Variants in TAFA2 observed in about 807,000 individuals in gnomAD.
TAFA2 encodes TAFA chemokine like family member 2, also known as chemokine-like protein TAFA-2.
TAFA2 carries 7 observed loss-of-function variants against 18.8 expected under a neutral mutation model. The observed-to-expected ratio is 0.37, with a 90% CI of 0.21 to 0.70. The LOEUF (loss-of-function observed/expected upper bound fraction) is 0.70, where lower values mean the gene tolerates loss of function less well. TAFA2 is among the 30% of genes least tolerant of loss of function. TAFA2 has a pLI of 0.53. For synonymous variants in TAFA2, 60 were observed against 54.2 expected, an observed-to-expected ratio of 1.11 and a Z score of -0.47; for missense variants, 122 against 158.1, an observed-to-expected ratio of 0.77 and a Z score of 1.23.
chr12:62,208,228 C>G (rs1324250353), intron 1 of TAFA2, among the ~76,000 whole-genome samples: 1 of 151,726 alleles, frequency 6.6e-6, no homozygotes, highest in Non-Finnish European at 1.5e-5. Context: ...GAAAGGTCAT[C>G]AAATAGTCAA....
intron 1 of TAFA2, among the ~76,000 whole-genome samples, chr12:61,941,596 G>C (rs1181235399): frequency 6.6e-6 from 1 of 152,188 alleles, no homozygotes; most frequent in Non-Finnish European, 1.5e-5. Flanking sequence ...GTGGGTGCGT[G>C]CACCGTGCGT....
intron 1 of TAFA2, among the ~76,000 whole-genome samples, chr12:62,129,835 G>T (rs10877798): frequency 0.17 from 25,957 of 151,836 alleles, 2,541 homozygotes; most frequent in East Asian, 0.34. Flanking sequence ...CCAAATGTCC[G>T]CTATACGGCA....
At chr12:62,242,356 GAAGATAA>G (rs368193913) in intron 1 of TAFA2, 104 of 152,268 alleles carry the variant, frequency 6.8e-4, no homozygotes, top group African/African-American at 2.5e-3. Flanking sequence ...GAACAAGATA[GAAGATAA>G]AAGTATAGTT....
intron 4 of TAFA2, among the ~76,000 whole-genome samples, chr12:61,742,636 A>G (rs774083627): frequency 6.6e-6 from 1 of 152,072 alleles, no homozygotes; most frequent in East Asian, 1.9e-4. Context: ...AACTATTTCA[A>G]TACCACCTAG....
intron 1 of TAFA2, among the ~76,000 whole-genome samples, chr12:62,013,972 T>A (rs1880848166): frequency 6.6e-6 from 1 of 152,202 alleles, no homozygotes; most frequent in African/African-American, 2.4e-5. Flanking sequence ...GGACCCACTT[T>A]CCATGAATAG....
At chr12:61,978,975 C>G (rs1235672859) in intron 1 of TAFA2, among the ~76,000 whole-genome samples, 2 of 152,064 alleles carry the variant, frequency 1.3e-5, no homozygotes, top group African/African-American at 2.4e-5. Context: ...AACCCAAGAG[C>G]CTAGTTCTCC....
At chr12:61,781,341 C>T (rs146571763) in intron 2 of TAFA2, among the ~76,000 whole-genome samples, 226 of 151,812 alleles carry the variant, frequency 1.5e-3, no homozygotes, top group African/African-American at 5.1e-3. Context: ...CATCTACCTC[C>T]AACTGGGCTA....
chr12:61,711,581 T>C (rs1239824474), intron 4 of TAFA2, among the ~76,000 whole-genome samples: 1 of 152,058 alleles, frequency 6.6e-6, no homozygotes, highest in Non-Finnish European at 1.5e-5. Context: ...ATCAATTATG[T>C]AAAAAATGAA....
At chr12:61,930,017 A>AG (rs1218575545) in intron 1 of TAFA2, among the ~76,000 whole-genome samples, 3 of 124,818 alleles carry the variant, frequency 2.4e-5, no homozygotes, top group Non-Finnish European at 4.8e-5. Context: ...GGGTGGGGGT[A>AG]GGGGGGAGGG....
At chr12:61,795,850 AAGAT>A (rs1369811098) in intron 2 of TAFA2, among the ~76,000 whole-genome samples, 8 of 152,038 alleles carry the variant, frequency 5.3e-5, no homozygotes, top group Non-Finnish European at 1.2e-4. Flanking sequence ...TACTGACATG[AAGAT>A]AGATAAATAG....
At chr12:61,938,390 A>G (rs1877861775) in intron 1 of TAFA2, among the ~76,000 whole-genome samples, 1 of 152,198 alleles carries the variant, frequency 6.6e-6, no homozygotes, top group Non-Finnish European at 1.5e-5. Context: ...TAAACTGCAC[A>G]TCACAGGGGT....
At chr12:62,060,251 A>T (rs1018313840) in intron 1 of TAFA2, among the ~76,000 whole-genome samples, 1 of 152,230 alleles carries the variant, frequency 6.6e-6, no homozygotes, top group African/African-American at 2.4e-5. Flanking sequence ...TGTTGCAAAT[A>T]ATAAATACAA....
At chr12:61,955,289 G>A (rs1422961211) in intron 1 of TAFA2, among the ~76,000 whole-genome samples, 2 of 151,806 alleles carry the variant, frequency 1.3e-5, no homozygotes, top group African/African-American at 4.8e-5. Context: ...CACAGAATAG[G>A]TGCTAGAAAA....
At chr12:61,812,433 G>A (rs948204036) in intron 2 of TAFA2, among the ~76,000 whole-genome samples, 6 of 151,544 alleles carry the variant, frequency 4.0e-5, no homozygotes, top group Non-Finnish European at 7.3e-5. Flanking sequence ...GTCAGATGGT[G>A]TCTGAGATTC....
At chr12:61,874,290 G>A (rs544662214) in intron 1 of TAFA2, among the ~76,000 whole-genome samples, 16 of 152,102 alleles carry the variant, frequency 1.1e-4, no homozygotes, top group African/African-American at 2.9e-4. Flanking sequence ...AACTTTAATC[G>A]GTTTCTAAAC....
At chr12:62,173,666 C>A (rs2062493853) in intron 1 of TAFA2, among the ~76,000 whole-genome samples, 1 of 152,184 alleles carries the variant, frequency 6.6e-6, no homozygotes, top group African/African-American at 2.4e-5. Context: ...GTCATTTAAA[C>A]CTGTGTCCAA....
rs71083953 is a variant in TAFA2 at position 61,724,751 on chromosome 12, ATGTGTGTGTGTG to A, written c.385-14346_385-14335del. ...CTGAGTAGTATTCCATGGTATGTCTATGTGTGTGTGTGTGTGTGTGTGTGTGTGTGTGTGTGT... is the reference window on the plus strand; with the variant it reads ...CTGAGTAGTATTCCATGGTATGTCTATGTGTGTGTGTGTGTGTGTGTGTGT... On this transcript the variant is annotated intron_variant, in intron 4 of 4. Transcript: ENST00000416284. Among the ~76,000 whole-genome samples, 1,079 of 114,682 alleles carry A rather than the reference ATGTGTGTGTGTG, an allele frequency of 9.4e-3. 11 individuals carry two copies. Among genetic ancestry groups the A allele is most frequent in the South Asian group, 0.011 (34 of 2,990 alleles). The allele number at this position is 114,682 out of a possible 152,430, so 75.2% of individuals were successfully genotyped here.
chr12:62,035,566 A>AC (rs1320760881), intron 1 of TAFA2, among the ~76,000 whole-genome samples: 1 of 149,194 alleles, frequency 6.7e-6, no homozygotes. Flanking sequence ...AAAAAAAAAA[A>AC]CCACACAGGC....
In TAFA2 at chr12:61,809,417, T is replaced by C. The variant is rs995894428; in HGVS notation, c.107-54393A>G. ...ATAAATGTTAGTTATTATTCTTGAG[T>C]TTTGAACTTTACTTTTTCACTAAGT... On this transcript the variant is annotated intron_variant, in intron 2 of 4. Coordinates refer to ENST00000416284, the MANE Select transcript of TAFA2 (RefSeq NM_178539.5). 5.3e-5 allele frequency among the ~76,000 whole-genome samples: 8 copies of C among 151,550 alleles called. No individual in the cohort carries two copies. The South Asian group carries it at 1.7e-3, about 31-fold the overall frequency.
Sources: gnomAD v4.1 joint callset for allele counts (sites outside exome capture counted in the v4.1 genomes callset) on GRCh38, gnomAD v4.1.1 for gene constraint, MANE v1.5 for transcripts, NCBI Gene and HGNC (gene_info 2026-07-23, HGNC 2026-07-21) for gene names.